TMEM132D: variants seen among roughly 807,000 people sequenced by gnomAD.
The protein encoded by TMEM132D is transmembrane protein 132D, also known as mature OL transmembrane protein.
In TMEM132D, 21 loss-of-function variants were observed where a neutral mutation model predicts 62.3. The observed-to-expected ratio is 0.34, with a 90% confidence interval of 0.24 to 0.49. TMEM132D has a LOEUF of 0.49. Ranked by LOEUF, TMEM132D falls within the 20% of genes least tolerant of loss-of-function variation. The pLI is 0.99. For synonymous variants in TMEM132D, 621 were observed against 575.6 expected (o/e 1.08, Z -1.13); for missense variants, 1,346 against 1,402.8 (o/e 0.96, Z 0.65).
intron 3 of TMEM132D, among the ~76,000 whole-genome samples, chr12:129,484,383 A>G (rs1319816891): frequency 6.6e-6 from 1 of 152,224 alleles, no homozygotes; most frequent in Non-Finnish European, 1.5e-5. Context: ...TATTCTCTAC[A>G]GGGCTAGGCA....
At chr12:129,690,443 T>G (rs1881037371) in intron 2 of TMEM132D, among the ~76,000 whole-genome samples, 1 of 152,296 alleles carries the variant, frequency 6.6e-6, no homozygotes, top group African/African-American at 2.4e-5. Context: ...GCCTATATGA[T>G]ATTTACCAAA....
intron 2 of TMEM132D, among the ~76,000 whole-genome samples, chr12:129,640,688 C>A (rs1478838064): frequency 6.6e-6 from 1 of 152,176 alleles, no homozygotes; most frequent in Non-Finnish European, 1.5e-5. Context: ...TCCTACATAA[C>A]AAGGGTCCCC....
chr12:129,828,857 G>C (rs749845847), intron 1 of TMEM132D, among the ~76,000 whole-genome samples: 16 of 146,044 alleles, frequency 1.1e-4, no homozygotes, highest in Non-Finnish European at 1.8e-4. Context: ...GTATCCTCTA[G>C]AGGAAAAAAT....
At chr12:129,193,461 G>A (rs983293600) in intron 5 of TMEM132D, among the ~76,000 whole-genome samples, 1 of 152,150 alleles carries the variant, frequency 6.6e-6, no homozygotes, top group Non-Finnish European at 1.5e-5. Flanking sequence ...AATTTGGGCT[G>A]CTGCCACCAG....
intron 1 of TMEM132D, among the ~76,000 whole-genome samples, chr12:129,802,140 C>T (rs1253066785): frequency 6.6e-6 from 1 of 151,514 alleles, no homozygotes; most frequent in Non-Finnish European, 1.5e-5. Context: ...GAGAACTTCC[C>T]CAATTTAGCA....
intron 4 of TMEM132D, among the ~76,000 whole-genome samples, chr12:129,260,664 C>T (rs779530915): frequency 5.3e-5 from 8 of 152,178 alleles, no homozygotes; most frequent in Non-Finnish European, 8.8e-5. Flanking sequence ...TCTCACCCCA[C>T]TCTCAACCTT....
At chr12:129,233,174 A>C (rs879119206) in intron 4 of TMEM132D, among the ~76,000 whole-genome samples, 5 of 152,276 alleles carry the variant, frequency 3.3e-5, no homozygotes, top group Admixed American at 3.3e-4. Context: ...CTTACTTTTA[A>C]AATTGTCCAT....
intron 5 of TMEM132D, among the ~76,000 whole-genome samples, chr12:129,134,115 GT>G (rs1565974545): frequency 3.1e-4 from 11 of 35,082 alleles, no homozygotes; most frequent in African/African-American, 6.1e-4. Context: ...GTGTCTGTGT[GT>G]TGTGTGTGTG....
At chr12:129,352,123 A>C (rs2135668775) in intron 3 of TMEM132D, among the ~76,000 whole-genome samples, 1 of 152,314 alleles carries the variant, frequency 6.6e-6, no homozygotes, top group African/African-American at 2.4e-5. Context: ...GTTCCCAGGA[A>C]GTTGGGCATT....
chr12:129,480,224 G>A (rs564012358), intron 3 of TMEM132D, among the ~76,000 whole-genome samples: 1 of 152,250 alleles, frequency 6.6e-6, no homozygotes, highest in African/African-American at 2.4e-5. Context: ...GGTGCATGGA[G>A]CTGCAGAGGG....
intron 5 of TMEM132D, chr12:129,111,337 A>G (rs563554313): frequency 2.0e-5 from 3 of 152,246 alleles, no homozygotes; most frequent in African/African-American, 7.2e-5. Flanking sequence ...CTACACCTTG[A>G]TTTGGATTTC....
chr12:129,176,808 A>G (rs1593286284), intron 5 of TMEM132D, among the ~76,000 whole-genome samples: 1 of 152,262 alleles, frequency 6.6e-6, no homozygotes, highest in East Asian at 1.9e-4. Flanking sequence ...CCTAAGAAAT[A>G]GAACTCTGTC....
intron 1 of TMEM132D, among the ~76,000 whole-genome samples, chr12:129,828,641 GAAGA>G (rs1321315170): frequency 1.7e-5 from 2 of 114,608 alleles, no homozygotes; most frequent in African/African-American, 6.9e-5. Context: ...AGGAAGAAGA[GAAGA>G]AAGGGAAGAA....
intron 3 of TMEM132D, among the ~76,000 whole-genome samples, chr12:129,338,460 A>G (rs1323391732): frequency 6.6e-6 from 1 of 152,214 alleles, no homozygotes; most frequent in East Asian, 1.9e-4. Flanking sequence ...CTAGAAACAA[A>G]TCCACCTAGG....
chr12:129,866,008 T>C lies in TMEM132D; in HGVS notation c.79+37253A>G, dbSNP rs552792552. ...CTAAGACATCGTTAAGTTTGGTGTT[T>C]GTTTTGGTTTGGTTTTCCTCTCACA... On this transcript the variant is annotated intron_variant, in intron 1 of 8. Transcript: ENST00000422113. Among the ~76,000 whole-genome samples the C allele has an allele frequency of 3.2e-4, 48 of 152,278 alleles. No individual in the cohort carries two copies. In the South Asian group the frequency reaches 9.7e-3, roughly 31 times the overall value.
intron 2 of TMEM132D, among the ~76,000 whole-genome samples, chr12:129,545,891 C>T (rs766829716): frequency 2.0e-5 from 3 of 152,184 alleles, no homozygotes; most frequent in Non-Finnish European, 2.9e-5. Context: ...AGCTGTCTCT[C>T]TTCTCTCCAG....
intron 4 of TMEM132D, among the ~76,000 whole-genome samples, chr12:129,335,189 T>C (rs1460780318): frequency 6.8e-6 from 1 of 146,618 alleles, no homozygotes; most frequent in African/African-American, 2.5e-5. Context: ...TGGAGTGCTG[T>C]GGTACGTTCT....
At position 129,525,105 on chromosome 12, in the gene TMEM132D, T is replaced by C. The variant is rs547573663; in HGVS notation, c.1115+5954A>G. Among the ~76,000 whole-genome samples the C allele has an allele frequency of 8.7e-4, 130 of 149,860 alleles. 3 individuals are homozygous for C. In the South Asian group the frequency reaches 0.026, roughly 31 times the overall value. ...CACACTCAGCTAATTTATTTGTATT[T>C]TAGTAGAGATGGGGCTTCACCATGT... On this transcript the variant is annotated intron_variant, in intron 3 of 8. Coordinates refer to ENST00000422113, the MANE Select transcript of TMEM132D (RefSeq NM_133448.3).
At chr12:129,623,703 A>G (rs1879137297) in intron 2 of TMEM132D, among the ~76,000 whole-genome samples, 1 of 141,070 alleles carries the variant, frequency 7.1e-6, no homozygotes, top group Admixed American at 7.0e-5. Context: ...ACATATATAT[A>G]CATACATATG....
Sources: gnomAD v4.1 joint callset for allele counts (sites outside exome capture counted in the v4.1 genomes callset) on GRCh38, gnomAD v4.1.1 for gene constraint, MANE v1.5 for transcripts, NCBI Gene and HGNC (gene_info 2026-07-23, HGNC 2026-07-21) for gene names.